CCDC60: variants seen among roughly 807,000 people sequenced by gnomAD.
CCDC60 encodes the protein coiled-coil domain-containing protein 60.
Under a neutral mutation model 63.5 loss-of-function variants are expected in CCDC60, and 54 were observed. The ratio of observed to expected loss-of-function variants is 0.85; its 90% CI spans 0.68 to 1.07. The LOEUF (loss-of-function observed/expected upper bound fraction) is 1.07, where lower values mean the gene tolerates loss of function less well. Ranked by LOEUF, CCDC60 falls within the 50% of genes least tolerant of loss-of-function variation. The pLI is 0.00. For synonymous variants in CCDC60, 206 were observed against 238.8 expected, an observed-to-expected ratio of 0.86 and a Z score of 1.27; for missense variants, 651 against 684.3, an observed-to-expected ratio of 0.95 and a Z score of 0.54.
At chr12:119,358,469 C>T (rs2136161633) in intron 1 of CCDC60, among the ~76,000 whole-genome samples, 1 of 152,256 alleles carries the variant, frequency 6.6e-6, no homozygotes, top group South Asian at 2.1e-4. Context: ...ACTTCCCAGT[C>T]TCCATTTTGA....
chr12:119,403,592 C>T (rs1354660313), intron 1 of CCDC60, among the ~76,000 whole-genome samples: 16 of 152,186 alleles, frequency 1.1e-4, no homozygotes, highest in Non-Finnish European at 2.4e-4. Context: ...ACTCAAACCC[C>T]TCAGCCCCAT....
chr12:119,376,980 C>T (rs1437679431), intron 1 of CCDC60, among the ~76,000 whole-genome samples: 2 of 152,056 alleles, frequency 1.3e-5, no homozygotes, highest in Admixed American at 1.3e-4. Flanking sequence ...TCAGGCCAGA[C>T]ACAGTGGCTC....
chr12:119,369,088 G>A (rs1955872530), intron 1 of CCDC60, among the ~76,000 whole-genome samples: 2 of 152,128 alleles, frequency 1.3e-5, no homozygotes, highest in African/African-American at 4.8e-5. Flanking sequence ...ACTCAAGGCT[G>A]CAGAACTAGG....
At chr12:119,507,606 A>AT (rs1418057144) in intron 7 of CCDC60, among the ~76,000 whole-genome samples, 3 of 26,184 alleles carry the variant, frequency 1.1e-4, no homozygotes, top group East Asian at 2.4e-3. Flanking sequence ...ATATATATAT[A>AT]TATATATATT....
At chr12:119,536,707 T>G (rs1953015556) in intron 13 of CCDC60, among the ~76,000 whole-genome samples, 1 of 152,236 alleles carries the variant, frequency 6.6e-6, no homozygotes, top group Non-Finnish European at 1.5e-5. Context: ...AATTCTGGGT[T>G]GAAAATCCTT....
chr12:119,494,569 T>C (rs754004689), intron 5 of CCDC60, among the ~76,000 whole-genome samples: 7 of 152,170 alleles, frequency 4.6e-5, no homozygotes, highest in Non-Finnish European at 1.0e-4. Context: ...TAATCCTTAC[T>C]CTTAAGAGAC....
At chr12:119,501,088 C>T (rs539519285) in intron 6 of CCDC60, among the ~76,000 whole-genome samples, 22 of 152,248 alleles carry the variant, frequency 1.4e-4, no homozygotes, top group Admixed American at 6.5e-4. Flanking sequence ...ACAACTAGAG[C>T]GTTTGCTGAA....
intron 6 of CCDC60, among the ~76,000 whole-genome samples, chr12:119,501,777 T>A (rs1282346001): frequency 6.6e-6 from 1 of 152,184 alleles, no homozygotes; most frequent in Non-Finnish European, 1.5e-5. Flanking sequence ...GGAGAATGAA[T>A]AGCTGTGCTT....
chr12:119,531,212 C>T, intron 13 of CCDC60, 149 bp downstream of exon 13: 1 of 670,112 alleles, frequency 1.5e-6, no homozygotes, highest in Non-Finnish European at 2.5e-6. Context: ...TGTCCCATTA[C>T]CTGGTTGCCC....
chr12:119,453,111 G>A (rs1324975110), intron 2 of CCDC60, among the ~76,000 whole-genome samples: 1 of 152,202 alleles, frequency 6.6e-6, no homozygotes, highest in Non-Finnish European at 1.5e-5. Flanking sequence ...ACAGGCGTGA[G>A]CCACCATACC....
At chr12:119,349,773 T>C (rs1202301397) in intron 1 of CCDC60, among the ~76,000 whole-genome samples, 1 of 152,216 alleles carries the variant, frequency 6.6e-6, no homozygotes, top group African/African-American at 2.4e-5. Context: ...TCTTTTGTAA[T>C]GTCAGTAATC....
At chr12:119,357,995 G>A (rs1363444546) in intron 1 of CCDC60, among the ~76,000 whole-genome samples, 1 of 152,140 alleles carries the variant, frequency 6.6e-6, no homozygotes, top group Non-Finnish European at 1.5e-5. Flanking sequence ...CACAGCAGGA[G>A]CAAGAACAAA....
intron 1 of CCDC60, among the ~76,000 whole-genome samples, chr12:119,366,176 A>G (rs1223752785): frequency 2.8e-5 from 2 of 71,530 alleles, no homozygotes; most frequent in African/African-American, 5.7e-5. Flanking sequence ...AGAAAACTCC[A>G]GTTAGTACGT....
At chr12:119,449,474 T>C (rs1348798445) in intron 2 of CCDC60, among the ~76,000 whole-genome samples, 1 of 152,182 alleles carries the variant, frequency 6.6e-6, no homozygotes, top group Non-Finnish European at 1.5e-5. Context: ...CATATAGTCC[T>C]ATAACCTGCT....
At chr12:119,465,250 G>A (rs1950931006) in intron 2 of CCDC60, among the ~76,000 whole-genome samples, 1 of 152,056 alleles carries the variant, frequency 6.6e-6, no homozygotes, top group Non-Finnish European at 1.5e-5. Context: ...GGAGGCGGAG[G>A]TTGCAGTGAG....
At chr12:119,424,640 T>C (rs1956870427) in intron 1 of CCDC60, among the ~76,000 whole-genome samples, 1 of 152,168 alleles carries the variant, frequency 6.6e-6, no homozygotes. Flanking sequence ...ATCTACTATT[T>C]AACTTATTTA....
chr12:119,530,070 C>G (rs138899529), intron 12 of CCDC60, among the ~76,000 whole-genome samples: 1,551 of 152,238 alleles, frequency 0.01, 15 homozygotes, highest in South Asian at 0.027. Context: ...TTCTAGCAGT[C>G]TGAATACTGA....
chr12:119,519,399 A>ATGTG (rs1307927261), intron 8 of CCDC60, among the ~76,000 whole-genome samples: 12 of 99,960 alleles, frequency 1.2e-4, no homozygotes, highest in Non-Finnish European at 2.2e-4. Flanking sequence ...GTAGTGATAT[A>ATGTG]TATGTGTGTG....
At chr12:119,453,898 GTGATGATGA>G (rs377413915) in intron 2 of CCDC60, among the ~76,000 whole-genome samples, 1 of 151,810 alleles carries the variant, frequency 6.6e-6, no homozygotes, top group Non-Finnish European at 1.5e-5. Context: ...TTTGATGATT[GTGATGATGA>G]TGATGATGAT....
Sources: gnomAD v4.1 joint callset for allele counts (sites outside exome capture counted in the v4.1 genomes callset) on GRCh38, gnomAD v4.1.1 for gene constraint, MANE v1.5 for transcripts, NCBI Gene and HGNC (gene_info 2026-07-23, HGNC 2026-07-21) for gene names.